Variants in TSNARE1 observed in about 807,000 individuals in gnomAD.
TSNARE1 encodes t-SNARE domain containing 1.
TSNARE1 carries 49 observed loss-of-function variants against 62.0 expected under a neutral mutation model. The ratio of observed to expected loss-of-function variants is 0.79; its 90% CI spans 0.63 to 1.00. TSNARE1 has a LOEUF of 1.00. Ranked by LOEUF, TSNARE1 falls within the 50% of genes least tolerant of loss-of-function variation. The pLI is 0.00. For missense variants in TSNARE1, 755 were observed against 700.1 expected (o/e 1.08, Z -0.88); for synonymous variants, 328 against 294.4 (o/e 1.11, Z -1.17).
At chr8:142,346,576 A>G (rs1586940640) in intron 2 of TSNARE1, among the ~76,000 whole-genome samples, 1 of 152,390 alleles carries the variant, frequency 6.6e-6, no homozygotes, top group East Asian at 1.9e-4. Context: ...ACGGCACCCC[A>G]GAGTCACAGA....
chr8:142,368,453 CGAAA>C (rs1371008254), intron 1 of TSNARE1, among the ~76,000 whole-genome samples: 1 of 145,054 alleles, frequency 6.9e-6, no homozygotes, highest in Non-Finnish European at 1.5e-5. Context: ...CCTAACAATA[CGAAA>C]AGGCCTGTCT....
intron 10 of TSNARE1, among the ~76,000 whole-genome samples, chr8:142,299,768 TCA>T (rs1393752940): frequency 1.3e-5 from 2 of 152,134 alleles, no homozygotes; most frequent in Non-Finnish European, 2.9e-5. Context: ...GTGCATGCAC[TCA>T]CACACACATA....
intron 9 of TSNARE1, among the ~76,000 whole-genome samples, chr8:142,302,723 A>G (rs1586674721): frequency 6.6e-6 from 1 of 152,194 alleles, no homozygotes; most frequent in Non-Finnish European, 1.5e-5. Context: ...CTGAGGGCAC[A>G]GGGCCCTGCC....
At chr8:142,334,286 G>A (rs1418546351) in intron 4 of TSNARE1, among the ~76,000 whole-genome samples, 1 of 152,188 alleles carries the variant, frequency 6.6e-6, no homozygotes, top group Non-Finnish European at 1.5e-5. Context: ...CTCTGGTTCG[G>A]GAGGCTGCCC....
At chr8:142,300,331 G>C (rs1029546771) in intron 10 of TSNARE1, 155 bp downstream of exon 10, 2 of 783,112 alleles carry the variant, frequency 2.6e-6, no homozygotes, top group African/African-American at 3.5e-5. Context: ...TGGCCAGAGA[G>C]AGGTGGTTAG....
intron 2 of TSNARE1, 125 bp from the exon 3 acceptor site, chr8:142,346,017 G>C: frequency 8.8e-7 from 1 of 1,141,844 alleles, no homozygotes; most frequent in South Asian, 1.6e-5. Flanking sequence ...TCCTCCTCCA[G>C]GAAGCCCTCC....
At chr8:142,339,455 G>A (rs552126839) in intron 4 of TSNARE1, among the ~76,000 whole-genome samples, 2 of 152,252 alleles carry the variant, frequency 1.3e-5, no homozygotes, top group South Asian at 2.1e-4. Context: ...GGCAGGCAGG[G>A]GGTGTGGGCC....
rs371540059 is a variant in TSNARE1, at chr8:142,376,591, C to T, written c.-39-21828G>A. ...TGGCACTCTGATCTCAGACTTGTAG[C>T]CTTCAGAGTGATGGGAAATGAGTGT... On this transcript the variant is annotated intron_variant, in intron 1 of 13. Transcript: ENST00000524325. Among the ~76,000 whole-genome samples, 17 of 152,182 alleles carry T rather than the reference C, an allele frequency of 1.1e-4. No individual in the cohort carries two copies. In the East Asian group the frequency reaches 2.7e-3, roughly 24 times the overall value.
At chr8:142,251,175 ACT>A (rs747331427) in intron 12 of TSNARE1, among the ~76,000 whole-genome samples, 4 of 151,276 alleles carry the variant, frequency 2.6e-5, no homozygotes, top group Non-Finnish European at 5.9e-5. Flanking sequence ...TCAGAGCCAG[ACT>A]CTCCCTACAG....
At chr8:142,401,589 A>T (rs1357460836) in intron 1 of TSNARE1, among the ~76,000 whole-genome samples, 1 of 152,026 alleles carries the variant, frequency 6.6e-6, no homozygotes, top group Non-Finnish European at 1.5e-5. Context: ...TAGGCTCTTG[A>T]CCCAGCATCT....
chr8:142,274,030 C>T, intron 12 of TSNARE1: 1 of 985,376 alleles, frequency 1.0e-6, no homozygotes, highest in Non-Finnish European at 1.2e-6. Context: ...CCCCAGCTGG[C>T]CCAGGGGCTT....
At chr8:142,255,476 CCATCACCATCATCAT>C (rs1818395911) in intron 12 of TSNARE1, among the ~76,000 whole-genome samples, 1 of 44,812 alleles carries the variant, frequency 2.2e-5, no homozygotes. Flanking sequence ...ATCACCACCA[CCATCACCATCATCAT>C]CACCACCACC....
At chr8:142,395,513 T>G (rs569596431) in intron 1 of TSNARE1, among the ~76,000 whole-genome samples, 37 of 152,230 alleles carry the variant, frequency 2.4e-4, no homozygotes, top group African/African-American at 8.2e-4. Flanking sequence ...GGAAAGCCCA[T>G]GGAGCACCGC....
At chr8:142,355,634 G>A (rs141391948) in intron 1 of TSNARE1, among the ~76,000 whole-genome samples, 347 of 152,314 alleles carry the variant, frequency 2.3e-3, no homozygotes, top group Non-Finnish European at 4.2e-3. Flanking sequence ...TCCCTGTGCG[G>A]GCAGCTTCTG....
intron 11 of TSNARE1, chr8:142,275,332 C>A (rs1238146955): frequency 2.0e-6 from 2 of 985,312 alleles, no homozygotes; most frequent in Non-Finnish European, 1.2e-6. Context: ...GTTTGCCACA[C>A]GCACTGGCCC....
intron 1 of TSNARE1, among the ~76,000 whole-genome samples, chr8:142,387,276 T>C (rs1189180723): frequency 6.6e-6 from 1 of 152,046 alleles, no homozygotes; most frequent in African/African-American, 2.4e-5. Context: ...GGAAAATATG[T>C]CTCATCAAAA....
rs546208490 is a variant in TSNARE1, at chr8:142,277,981, A to C, written c.1364-3118T>G. 347 of 985,180 alleles carry C rather than the reference A, an allele frequency of 3.5e-4. No individual in the cohort carries two copies. In the African/African-American group the frequency reaches 5.7e-3, roughly 16 times the overall value. 61.0% of individuals were successfully genotyped at this position (985,180 alleles called of 1,614,324 possible). ...AACCAGGTCTGCCTCTGCCCATAGG[A>C]CCCTTGGCTGCAAGAATCTGCCCTT... is the stretch of plus-strand genomic sequence containing the variant. On this transcript the variant is annotated intron_variant, in intron 11 of 13. Transcript: ENST00000524325.
intron 12 of TSNARE1, among the ~76,000 whole-genome samples, chr8:142,230,812 T>TCATC (rs1357854830): frequency 7.3e-6 from 1 of 136,232 alleles, no homozygotes; most frequent in Admixed American, 7.2e-5. Context: ...ATCCACCCAC[T>TCATC]CATCCATCCA....
chr8:142,312,625 T>C (rs2131574473), intron 9 of TSNARE1, among the ~76,000 whole-genome samples: 2 of 152,298 alleles, frequency 1.3e-5, no homozygotes, highest in East Asian at 1.9e-4. Flanking sequence ...TCTGTTCAGC[T>C]TTTCCTGTAA....
Sources: gnomAD v4.1 joint callset for allele counts (sites outside exome capture counted in the v4.1 genomes callset) on GRCh38, gnomAD v4.1.1 for gene constraint, MANE v1.5 for transcripts, NCBI Gene and HGNC (gene_info 2026-07-23, HGNC 2026-07-21) for gene names.